Variants in PDGFRL observed in about 807,000 individuals in gnomAD.
The protein encoded by PDGFRL is platelet-derived growth factor receptor-like protein.
PDGFRL carries 46 observed loss-of-function variants against 37.2 expected under a neutral mutation model. That is an observed-to-expected ratio of 1.24 (90% CI 0.98 to 1.58). PDGFRL has a LOEUF of 1.58. Among genes scored for constraint, PDGFRL ranks in the 40% most tolerant of loss-of-function variants. PDGFRL has a pLI of 0.00. For synonymous variants in PDGFRL, 251 were observed against 184.3 expected (o/e 1.36, Z -2.93); for missense variants, 692 against 467.6 (o/e 1.48, Z -4.43).
At position 17,589,577 on chromosome 8, in the gene PDGFRL, G is replaced by A. The variant is rs1324193175; in HGVS notation, c.165G>A (p.Arg55=). The change falls in exon 2 of 6, where the codon AGG becomes AGA. Residue 55 remains arginine, a synonymous_variant. Transcript: ENST00000251630. ...CCAAAATTCCTAAAATGAAGGACAGGGACTCAGCCAATTCAGCACCAAAGA... is the reference window on the plus strand; with the variant it reads ...CCAAAATTCCTAAAATGAAGGACAGAGACTCAGCCAATTCAGCACCAAAGA... ...VKPKIPKMKD[R]DSANSAPKTQ... 4.3e-6 allele frequency: 7 copies of A among 1,613,692 alleles called. No homozygotes were observed. The highest frequency in any genetic ancestry group is 5.1e-6 in the Non-Finnish European group (6 of 1,179,748).
At position 17,617,561 on chromosome 8, in the gene PDGFRL, C is replaced by T. The variant is rs527844621; in HGVS notation, c.354-3490C>T. Among the ~76,000 whole-genome samples the T allele has an allele frequency of 5.9e-5, 9 of 152,130 alleles. No homozygotes were observed. In the South Asian group the frequency reaches 6.2e-4, roughly 11 times the overall value. On this transcript the variant is annotated intron_variant, in intron 2 of 5. Transcript: ENST00000251630. ...CCCCTTGCGTAGTCTGCTGCCTAGACGATGAGATACCATTGGTAGAAATGG... is the reference window on the plus strand; with the variant it reads ...CCCCTTGCGTAGTCTGCTGCCTAGATGATGAGATACCATTGGTAGAAATGG...
At chr8:17,594,579 G>C (rs1481483767) in intron 2 of PDGFRL, among the ~76,000 whole-genome samples, 1 of 151,070 alleles carries the variant, frequency 6.6e-6, no homozygotes, top group Non-Finnish European at 1.5e-5. Flanking sequence ...TTTTGAGATG[G>C]AGTCTTGCTC....
intron 2 of PDGFRL, among the ~76,000 whole-genome samples, chr8:17,595,631 C>G (rs1342994929): frequency 6.6e-6 from 1 of 152,162 alleles, no homozygotes; most frequent in Non-Finnish European, 1.5e-5. Context: ...TCAGAGCTCC[C>G]CTGTCCAACA....
chr8:17,635,361 G>A (rs977093814), intron 5 of PDGFRL, among the ~76,000 whole-genome samples: 2 of 150,092 alleles, frequency 1.3e-5, no homozygotes, highest in Admixed American at 6.7e-5. Flanking sequence ...AGCTTAGCTC[G>A]CATTTAACAG....
At chr8:17,609,305 A>C (rs1374695776) in intron 2 of PDGFRL, among the ~76,000 whole-genome samples, 1 of 151,964 alleles carries the variant, frequency 6.6e-6, no homozygotes, top group Non-Finnish European at 1.5e-5. Context: ...TTGGGAATTC[A>C]AGACCAGCCT....
chr8:17,600,723 G>C (rs1037257578), intron 2 of PDGFRL, among the ~76,000 whole-genome samples: 2 of 151,590 alleles, frequency 1.3e-5, no homozygotes, highest in African/African-American at 4.9e-5. Context: ...AGATCACTTG[G>C]GCCCAGGAGT....
intron 5 of PDGFRL, among the ~76,000 whole-genome samples, chr8:17,637,701 CTTAT>C (rs1334248645): frequency 1.3e-5 from 2 of 152,100 alleles, no homozygotes; most frequent in African/African-American, 4.8e-5. Context: ...TGATTCTGGG[CTTAT>C]TTTTGTTGGC....
chr8:17,581,458 C>G (rs561415057), intron 1 of PDGFRL, among the ~76,000 whole-genome samples: 46 of 152,206 alleles, frequency 3.0e-4, no homozygotes, highest in African/African-American at 9.9e-4. Flanking sequence ...TTTATGTTTT[C>G]AAAGGTAGGT....
chr8:17,608,271 TCA>T (rs1440406851), intron 2 of PDGFRL, among the ~76,000 whole-genome samples: 2 of 152,292 alleles, frequency 1.3e-5, no homozygotes, highest in East Asian at 3.9e-4. Context: ...ATCTGGTGTC[TCA>T]GTTACATTGG....
chr8:17,615,911 A>G (rs191429918), intron 2 of PDGFRL, among the ~76,000 whole-genome samples: 1 of 152,220 alleles, frequency 6.6e-6, no homozygotes, highest in Admixed American at 6.5e-5. Context: ...CCCTATCTCT[A>G]AACGAATAAA....
chr8:17,591,713 T>C (rs1737221482), intron 2 of PDGFRL, among the ~76,000 whole-genome samples: 1 of 152,086 alleles, frequency 6.6e-6, no homozygotes, highest in Non-Finnish European at 1.5e-5. Context: ...GGTCAAGAGA[T>C]TGATACCATC....
intron 5 of PDGFRL, among the ~76,000 whole-genome samples, chr8:17,640,436 G>T (rs7846367): frequency 6.6e-6 from 1 of 152,036 alleles, no homozygotes. Context: ...GGGGCTCAAG[G>T]GCTGCTCTTC....
chr8:17,591,553 A>G (rs996267447), intron 2 of PDGFRL, among the ~76,000 whole-genome samples: 2 of 152,192 alleles, frequency 1.3e-5, no homozygotes, highest in Non-Finnish European at 2.9e-5. Context: ...TATATGATGG[A>G]GAAATAGGAT....
chr8:17,588,066 T>C (rs1803854408), intron 1 of PDGFRL, among the ~76,000 whole-genome samples: 1 of 152,090 alleles, frequency 6.6e-6, no homozygotes, highest in Non-Finnish European at 1.5e-5. Context: ...GCAATAAGGG[T>C]GCCTTACTTA....
Position 17,641,179 on chromosome 8 carries a change from T to C in PDGFRL, c.940-1434T>C, listed in dbSNP as rs112863078. Among the ~76,000 whole-genome samples the C allele has an allele frequency of 3.2e-3, 491 of 152,292 alleles. 2 individuals are homozygous for C. Among genetic ancestry groups the C allele is most frequent in the African/African-American group, 0.011 (474 of 41,562 alleles). ...CAGTGGATGAGCAGGGTTGAGAACT[T>C]GTCCCAGGCTACCAGCCTCTTGGAT... On this transcript the variant is annotated intron_variant, in intron 5 of 5. Coordinates refer to ENST00000251630, the MANE Select transcript of PDGFRL (RefSeq NM_001372073.1).
chr8:17,596,378 C>G (rs1183768226), intron 2 of PDGFRL: 10 of 1,146,462 alleles, frequency 8.7e-6, no homozygotes, highest in Non-Finnish European at 1.1e-5. Context: ...GGCCCTGCCT[C>G]CAATACCACG....
chr8:17,589,473 G>A lies in PDGFRL; in HGVS notation c.61G>A (p.Gly21Ser), dbSNP rs1803885601. Residue 21 changes from glycine to serine, a missense_variant, in exon 2 of 6, where the codon GGC becomes AGC. Gly to Ser is a moderately conservative substitution (Grantham distance 56). Coordinates refer to ENST00000251630, the MANE Select transcript of PDGFRL (RefSeq NM_001372073.1). The stretch of plus-strand genomic sequence containing the variant: ...TCTCTCCTTACGTTTTGCAGTTACT[G>A]GCCAACACCTTCCCAAGAACAAGCG... ...LVHEALEDVT[G>S]QHLPKNKRPK... The A allele has an allele frequency of 6.2e-7, 1 of 1,611,668 alleles. No individual in the cohort carries two copies. The highest frequency in any genetic ancestry group is 8.5e-7 in the Non-Finnish European group (1 of 1,178,584).
At chr8:17,600,824 CT>C (rs768146755) in intron 2 of PDGFRL, among the ~76,000 whole-genome samples, 32,831 of 149,846 alleles carry the variant, frequency 0.22, 4,284 homozygotes, top group African/African-American at 0.34. Context: ...ACAAAAAAAC[CT>C]CTAAAAATTA....
At chr8:17,621,718 A>G (rs1416191766) in intron 3 of PDGFRL, among the ~76,000 whole-genome samples, 1 of 152,220 alleles carries the variant, frequency 6.6e-6, no homozygotes. Flanking sequence ...AGAAAGTTCT[A>G]TTGGACAGTG....
Sources: allele counts gnomAD v4.1 joint callset (sites outside exome capture counted in the v4.1 genomes callset), GRCh38; gene constraint gnomAD v4.1.1; transcripts MANE v1.5; gene names NCBI Gene and HGNC (gene_info 2026-07-23, HGNC 2026-07-21).